CHN2: variants seen among roughly 807,000 people sequenced by gnomAD.
CHN2 encodes the protein chimerin 2.
CHN2 carries 35 observed loss-of-function variants against 56.3 expected under a neutral mutation model. That is an observed-to-expected ratio of 0.62 (90% CI 0.47 to 0.82). The LOEUF (loss-of-function observed/expected upper bound fraction) is 0.82, where lower values mean the gene tolerates loss of function less well. CHN2 is among the 40% of genes least tolerant of loss of function. The probability of loss-of-function intolerance (pLI) is 0.00; values close to 1 mark genes in which losing one functional copy is unlikely to be tolerated. For synonymous variants in CHN2, 210 were observed against 212.8 expected (o/e 0.99, Z 0.12); for missense variants, 491 against 580.5 (o/e 0.85, Z 1.58).
At chr7:29,181,237 T>G (rs1056961210) in intron 2 of CHN2, 6 of 152,228 alleles carry the variant, frequency 3.9e-5, no homozygotes, top group African/African-American at 1.4e-4. Context: ...AACATTTTCA[T>G]AGCCTTTGAC....
In CHN2 at chr7:29,507,339, C is replaced by T; in HGVS notation, c.1103C>T (p.Thr368Ile). The T allele has an allele frequency of 6.2e-7, 1 of 1,609,410 alleles. No individual in the cohort carries two copies. The highest frequency in any genetic ancestry group is 8.5e-7 in the Non-Finnish European group (1 of 1,177,976). ...CCCATCCCTGTCATCACATATGATA[C>T]CTATTCCAAATTTATAGATGCAGCA... is the stretch of plus-strand genomic sequence containing the variant. ...DLPIPVITYDTYSKFIDAAKI... is the reference protein window; with the variant it reads ...DLPIPVITYDIYSKFIDAAKI... The change falls in exon 11 of 13, where the codon ACC becomes ATC. Residue 368 changes from threonine to isoleucine, a missense_variant. Thr to Ile is a moderately conservative substitution (Grantham distance 89). Transcript: ENST00000222792.
In CHN2 at chr7:29,432,117, G is replaced by GT. The variant is rs146212095; in HGVS notation, c.576+31297dup. Among the ~76,000 whole-genome samples the GT allele has an allele frequency of 6.9e-4, 105 of 151,888 alleles. 1 individual carries two copies. The East Asian group carries it at 0.018, about 27-fold the overall frequency. Reference sequence around the variant, plus strand: ...TTCCTAGTGTTCAACCACCTTCCCTGTTTTTTTTCACTGCCAGTGTGAGTG... The same window carrying GT: ...TTCCTAGTGTTCAACCACCTTCCCTGTTTTTTTTTCACTGCCAGTGTGAGTG... On this transcript the variant is annotated intron_variant, in intron 6 of 12. Transcript: ENST00000222792.
chr7:29,474,609 A>C (rs1026993051), intron 6 of CHN2, among the ~76,000 whole-genome samples: 2 of 152,218 alleles, frequency 1.3e-5, no homozygotes, highest in African/African-American at 2.4e-5. Flanking sequence ...ACAGCAGGAC[A>C]GTGTTTGGAA....
chr7:29,273,326 CATATATATATATATGTGTATATAT>C (rs1275973540), intron 1 of CHN2, among the ~76,000 whole-genome samples: 3 of 79,786 alleles, frequency 3.8e-5, no homozygotes, highest in East Asian at 6.3e-4. Context: ...TTCCATCATG[CATATATATATATATGTGTATATAT>C]ATATATATAT....
chr7:29,409,567 A>G (rs1035847333), intron 6 of CHN2, among the ~76,000 whole-genome samples: 3 of 152,208 alleles, frequency 2.0e-5, no homozygotes, highest in African/African-American at 7.2e-5. Flanking sequence ...TTTTATTTGA[A>G]GTATAGGAAG....
chr7:29,334,751 G>A lies in CHN2; in HGVS notation c.50-19874G>A, dbSNP rs372607344. Among the ~76,000 whole-genome samples, 3 of 151,072 alleles carry A rather than the reference G, an allele frequency of 2.0e-5. 1 individual carries two copies. The South Asian group carries it at 6.2e-4, about 31-fold the overall frequency. On this transcript the variant is annotated intron_variant, in intron 1 of 12. Coordinates refer to ENST00000222792, the MANE Select transcript of CHN2 (RefSeq NM_004067.4). ...AGCCTGGGCGACAGAGCCAGACCCT[G>A]TCTCAAACAAACAAACAAACAACAA...
chr7:29,392,052 G>A (rs911583769), intron 3 of CHN2, among the ~76,000 whole-genome samples: 1 of 152,184 alleles, frequency 6.6e-6, no homozygotes, highest in Non-Finnish European at 1.5e-5. Context: ...TTGCAAACTT[G>A]TGCTACGGTT....
chr7:29,170,574 A>C (rs1231347243), intron 2 of CHN2, among the ~76,000 whole-genome samples: 1 of 152,240 alleles, frequency 6.6e-6, no homozygotes, highest in African/African-American at 2.4e-5. Flanking sequence ...AAGAAAAATC[A>C]ACCATTACAT....
At chr7:29,431,614 A>G (rs368371621) in intron 6 of CHN2, among the ~76,000 whole-genome samples, 4 of 152,354 alleles carry the variant, frequency 2.6e-5, no homozygotes, top group South Asian at 2.1e-4. Flanking sequence ...GAAGAAATAC[A>G]TAAGTGGCGA....
At chr7:29,467,606 G>A (rs1443009358) in intron 6 of CHN2, among the ~76,000 whole-genome samples, 1 of 152,220 alleles carries the variant, frequency 6.6e-6, no homozygotes, top group Non-Finnish European at 1.5e-5. Flanking sequence ...ATTAGAAAAT[G>A]AAGTCCAGGG....
At chr7:29,380,393 G>T (rs1022075974) in intron 3 of CHN2, among the ~76,000 whole-genome samples, 4 of 152,170 alleles carry the variant, frequency 2.6e-5, no homozygotes, top group Non-Finnish European at 2.9e-5. Flanking sequence ...GTGGGGAGGT[G>T]CTTGAGAGAA....
intron 1 of CHN2, among the ~76,000 whole-genome samples, chr7:29,326,696 T>C (rs1407418862): frequency 6.6e-6 from 1 of 152,188 alleles, no homozygotes; most frequent in Non-Finnish European, 1.5e-5. Context: ...TGTAGTGTAA[T>C]ATCATAGATG....
At chr7:29,495,454 CT>C (rs1789164752) in intron 7 of CHN2, among the ~76,000 whole-genome samples, 2 of 152,162 alleles carry the variant, frequency 1.3e-5, no homozygotes, top group South Asian at 4.1e-4. Context: ...AACTCCTTTA[CT>C]TTTTAAAATG....
chr7:29,370,285 A>T lies in CHN2; in HGVS notation c.144+2298A>T, dbSNP rs1799505211. Among the ~76,000 whole-genome samples the T allele has an allele frequency of 2.0e-5, 3 of 152,172 alleles. No homozygotes were observed. In the South Asian group the frequency reaches 6.2e-4, roughly 31 times the overall value. ...CCCCTACTACAGACGGTGCTTAGTC[A>T]TACGTCTTGTTGTCTTGTAACACAC... On this transcript the variant is annotated intron_variant, in intron 3 of 12. Transcript: ENST00000222792.
In CHN2 at chr7:29,403,039, G is replaced by A. The variant is rs147454540; in HGVS notation, c.576+2211G>A. Reference sequence around the variant, plus strand: ...TGAGCAGTTTGATGGACGGGTGTCGGTGGTGTGGATTTTCTTGGACACTAA... The same window carrying A: ...TGAGCAGTTTGATGGACGGGTGTCGATGGTGTGGATTTTCTTGGACACTAA... On this transcript the variant is annotated intron_variant, in intron 6 of 12. Coordinates refer to ENST00000222792, the MANE Select transcript of CHN2 (RefSeq NM_004067.4). 3.1e-3 allele frequency among the ~76,000 whole-genome samples: 476 copies of A among 152,260 alleles called. 5 individuals carry two copies. The highest frequency in any genetic ancestry group is 0.011 in the African/African-American group (449 of 41,546).
At chr7:29,411,883 TGCCTTGCC>T (rs1449434709) in intron 6 of CHN2, among the ~76,000 whole-genome samples, 2 of 152,172 alleles carry the variant, frequency 1.3e-5, no homozygotes, top group Non-Finnish European at 2.9e-5. Flanking sequence ...AGTTCATTGC[TGCCTTGCC>T]TTTGAGCTGG....
chr7:29,498,620 G>A (rs1789560846), intron 8 of CHN2, among the ~76,000 whole-genome samples: 1 of 152,122 alleles, frequency 6.6e-6, no homozygotes, highest in African/African-American at 2.4e-5. Context: ...TCCTTATCAT[G>A]TGTGCACGTG....
chr7:29,437,546 C>T (rs1183530431), intron 6 of CHN2, among the ~76,000 whole-genome samples: 1 of 83,392 alleles, frequency 1.2e-5, no homozygotes, highest in African/African-American at 7.4e-5. Flanking sequence ...TGCAGTGAGC[C>T]GAGATCGCGC....
chr7:29,401,930 A>G (rs767841815), intron 6 of CHN2, among the ~76,000 whole-genome samples: 10 of 152,172 alleles, frequency 6.6e-5, no homozygotes, highest in Non-Finnish European at 1.3e-4. Context: ...ACAGCCAGCC[A>G]CGCCAATCAG....
Sources: gnomAD v4.1 joint callset for allele counts (sites outside exome capture counted in the v4.1 genomes callset) on GRCh38, gnomAD v4.1.1 for gene constraint, MANE v1.5 for transcripts, NCBI Gene and HGNC (gene_info 2026-07-23, HGNC 2026-07-21) for gene names.